PCDHGA1: variants seen among roughly 807,000 people sequenced by gnomAD.
PCDHGA1 encodes protocadherin gamma subfamily A, 1, also known as protocadherin gamma-A1.
A neutral mutation model predicts 58.0 loss-of-function variants in PCDHGA1; 32 were observed. That is an observed-to-expected ratio of 0.55 (90% CI 0.42 to 0.74). PCDHGA1 has a LOEUF of 0.74. Ranked by LOEUF, PCDHGA1 falls within the 30% of genes least tolerant of loss-of-function variation. PCDHGA1 has a pLI of 0.00. For synonymous variants in PCDHGA1, 498 were observed against 501.1 expected (o/e 0.99, Z 0.08); for missense variants, 1,205 against 1,182.3 (o/e 1.02, Z -0.28).
At chr5:141,400,332 T>TC (rs772688780) in intron 1 of PCDHGA1, 6 of 1,613,994 alleles carry the variant, frequency 3.7e-6, no homozygotes, top group South Asian at 3.3e-5. Flanking sequence ...GACCTGTGGT[T>TC]CCCCCCAACT....
chr5:141,419,243 C>T (rs959206942), intron 1 of PCDHGA1: 2 of 1,613,998 alleles, frequency 1.2e-6, no homozygotes, highest in East Asian at 4.5e-5. Flanking sequence ...GGTCCACGTG[C>T]CAGAAAACAA....
At chr5:141,356,013 A>C (rs776571171) in intron 1 of PCDHGA1, 1 of 1,613,968 alleles carries the variant, frequency 6.2e-7, no homozygotes, top group East Asian at 2.2e-5. Flanking sequence ...ATCCAGATGA[A>C]GGAGCCAATG....
chr5:141,353,376 AT>A (rs1262685545), intron 1 of PCDHGA1, among the ~76,000 whole-genome samples: 1 of 152,236 alleles, frequency 6.6e-6, no homozygotes, highest in East Asian at 1.9e-4. Flanking sequence ...GTAATTATGT[AT>A]TAATGTAATT....
intron 1 of PCDHGA1, chr5:141,365,874 A>G (rs1015574143): frequency 3.1e-6 from 5 of 1,613,932 alleles, no homozygotes; most frequent in African/African-American, 2.7e-5. Flanking sequence ...GGTGTCCTGT[A>G]TGCTCTGAGA....
intron 1 of PCDHGA1, chr5:141,376,535 G>A (rs1194313716): frequency 6.2e-7 from 1 of 1,613,586 alleles, no homozygotes; most frequent in South Asian, 1.1e-5. Context: ...TAAGCGGGAA[G>A]AGTAATCTGA....
At chr5:141,459,632 A>G (rs1202000974) in intron 1 of PCDHGA1, among the ~76,000 whole-genome samples, 1 of 152,214 alleles carries the variant, frequency 6.6e-6, no homozygotes, top group East Asian at 1.9e-4. Flanking sequence ...AAGCTGCCAA[A>G]CTATTTTTCA....
intron 1 of PCDHGA1, chr5:141,384,982 G>A: frequency 6.2e-7 from 1 of 1,614,144 alleles, no homozygotes; most frequent in South Asian, 1.1e-5. Context: ...GTACCTGGTG[G>A]TGGCGGTGGC....
chr5:141,475,098 C>G (rs1252108172), intron 1 of PCDHGA1, among the ~76,000 whole-genome samples: 1 of 152,108 alleles, frequency 6.6e-6, no homozygotes, highest in East Asian at 1.9e-4. Flanking sequence ...TTATAAAGAT[C>G]CTAGGTGGTA....
chr5:141,451,745 G>T (rs562443882), intron 1 of PCDHGA1, among the ~76,000 whole-genome samples: 36 of 152,242 alleles, frequency 2.4e-4, no homozygotes, highest in Middle Eastern at 3.4e-3. Context: ...AGCTGGTCTG[G>T]TGGTGCATGC....
At position 141,476,606 on chromosome 5, in the gene PCDHGA1, G is replaced by T. The variant is rs2099394832; in HGVS notation, c.2422-18201G>T. The stretch of plus-strand genomic sequence containing the variant: ...GCTCGAGAGCGCGCACGATCCCGAT[G>T]TGGGAAGCAACTCTTTACAAACCTA... On this transcript the variant is annotated intron_variant, in intron 1 of 3. Transcript: ENST00000517417. The surrounding 1 kb of genome is among the most constrained non-coding windows in gnomAD (Gnocchi z 7.6). The T allele has an allele frequency of 1.9e-6, 3 of 1,614,126 alleles. No individual in the cohort carries two copies. Among genetic ancestry groups the T allele is most frequent in the Non-Finnish European group, 1.7e-6 (2 of 1,180,054 alleles).
chr5:141,371,636 G>A, intron 1 of PCDHGA1: 4 of 1,614,044 alleles, frequency 2.5e-6, no homozygotes, highest in African/African-American at 2.7e-5. Context: ...ACCGGGAGCA[G>A]ATCCCAGAAT....
chr5:141,350,950 G>C (rs781241590), intron 1 of PCDHGA1: 1 of 1,613,932 alleles, frequency 6.2e-7, no homozygotes, highest in Non-Finnish European at 8.5e-7. Flanking sequence ...TCCGAGTTAC[G>C]GATGCCAATG....
intron 1 of PCDHGA1, among the ~76,000 whole-genome samples, chr5:141,406,263 TC>T (rs1163660392): frequency 3.9e-5 from 6 of 151,964 alleles, no homozygotes; most frequent in Non-Finnish European, 8.8e-5. Flanking sequence ...CAAACGATCT[TC>T]CTGCTTCAGT....
chr5:141,370,932 T>A, intron 1 of PCDHGA1: 1 of 1,613,926 alleles, frequency 6.2e-7, no homozygotes, highest in Admixed American at 1.7e-5. Flanking sequence ...GCACTTCTCT[T>A]TGATTCAGAA....
intron 1 of PCDHGA1, chr5:141,427,868 C>T (rs1311930991): frequency 4.5e-6 from 7 of 1,559,298 alleles, no homozygotes; most frequent in African/African-American, 2.7e-5. Context: ...CCTTCGAGCT[C>T]ACGATGCAGG....
chr5:141,376,309 C>G, intron 1 of PCDHGA1: 1 of 1,614,148 alleles, frequency 6.2e-7, no homozygotes, highest in Non-Finnish European at 8.5e-7. Flanking sequence ...ACTTTGTGGG[C>G]GTGGAAGGGG....
chr5:141,395,363 T>C (rs2093221465), intron 1 of PCDHGA1: 2 of 1,278,044 alleles, frequency 1.6e-6, no homozygotes, highest in Admixed American at 5.9e-5. Context: ...GTTTTGGGTT[T>C]ATTTTGGTGG....
intron 1 of PCDHGA1, chr5:141,383,233 G>T: frequency 6.2e-7 from 1 of 1,613,972 alleles, no homozygotes. Flanking sequence ...CCTGATGGAA[G>T]ATAAAATGAA....
At chr5:141,370,697 G>T in intron 1 of PCDHGA1, 3 of 1,613,806 alleles carry the variant, frequency 1.9e-6, no homozygotes, top group Non-Finnish European at 2.5e-6. Context: ...AGAAGTCGAC[G>T]TGTGTTCTGG....
Sources: allele counts gnomAD v4.1 joint callset (sites outside exome capture counted in the v4.1 genomes callset), GRCh38; gene constraint gnomAD v4.1.1; non-coding constraint Gnocchi (gnomAD v3.1); transcripts MANE v1.5; gene names NCBI Gene and HGNC (gene_info 2026-07-23, HGNC 2026-07-21).